ZEB1: variants seen among roughly 807,000 people sequenced by gnomAD.
ZEB1 encodes the protein zinc finger E-box binding homeobox 1.
A neutral mutation model predicts 84.9 loss-of-function variants in ZEB1; 21 were observed. That is an observed-to-expected ratio of 0.25 (90% CI 0.18 to 0.36). The LOEUF is 0.36. Among genes scored for constraint, ZEB1 ranks in the 10% least tolerant of loss-of-function variants. The probability of loss-of-function intolerance (pLI) is 1.00; values close to 1 mark genes in which losing one functional copy is unlikely to be tolerated. For synonymous variants in ZEB1, 420 were observed against 471.1 expected, an observed-to-expected ratio of 0.89 and a Z score of 1.41; for missense variants, 1,104 against 1,330.2, an observed-to-expected ratio of 0.83 and a Z score of 2.65.
intron 8 of ZEB1, among the ~76,000 whole-genome samples, chr10:31,525,014 T>C (rs1048004598): frequency 1.3e-5 from 2 of 152,226 alleles, no homozygotes; most frequent in African/African-American, 4.8e-5. Context: ...CGCATGTTTT[T>C]CTATGAGGTA....
At chr10:31,472,501 A>G (rs2063417899) in intron 2 of ZEB1, among the ~76,000 whole-genome samples, 1 of 151,480 alleles carries the variant, frequency 6.6e-6, no homozygotes, top group Admixed American at 6.6e-5. Flanking sequence ...TCCCAAGACT[A>G]AACCAGGAAG....
chr10:31,462,160 T>C (rs539654418), intron 2 of ZEB1, among the ~76,000 whole-genome samples: 39 of 152,280 alleles, frequency 2.6e-4, no homozygotes, highest in Non-Finnish European at 4.0e-4. Context: ...CAGGATATTA[T>C]CTGGATAATG....
chr10:31,495,484 A>G (rs752281652), intron 2 of ZEB1, among the ~76,000 whole-genome samples: 1 of 152,090 alleles, frequency 6.6e-6, no homozygotes, highest in South Asian at 2.1e-4. Context: ...TCAAGGACAC[A>G]TTACCATATT....
intron 1 of ZEB1, among the ~76,000 whole-genome samples, chr10:31,446,719 A>G (rs374260175): frequency 2.6e-5 from 4 of 152,182 alleles, no homozygotes; most frequent in Admixed American, 1.3e-4. Context: ...GTAGTTGAGC[A>G]GCTTTGAGTG....
At chr10:31,494,501 T>A in intron 2 of ZEB1, among the ~76,000 whole-genome samples, 1 of 151,998 alleles carries the variant, frequency 6.6e-6, no homozygotes, top group South Asian at 2.1e-4. Context: ...CATGCTATAA[T>A]GGGATGCAAA....
intron 1 of ZEB1, among the ~76,000 whole-genome samples, chr10:31,424,246 T>C (rs979435362): frequency 7.2e-5 from 11 of 152,030 alleles, no homozygotes. Flanking sequence ...TAAATTTTTT[T>C]TTGCAGACTA....
chr10:31,365,400 A>T (rs575176497), intron 1 of ZEB1, among the ~76,000 whole-genome samples: 3 of 152,298 alleles, frequency 2.0e-5, no homozygotes, highest in Non-Finnish European at 4.4e-5. Flanking sequence ...GCCACTCTAC[A>T]TCTTGTTATT....
intron 1 of ZEB1, among the ~76,000 whole-genome samples, chr10:31,392,652 A>G (rs1268916683): frequency 6.6e-6 from 1 of 152,044 alleles, no homozygotes; most frequent in Admixed American, 6.6e-5. Flanking sequence ...TGCCTAGTTT[A>G]AGATCTAGTG....
intron 1 of ZEB1, among the ~76,000 whole-genome samples, chr10:31,391,700 A>G (rs1324339176): frequency 3.3e-5 from 5 of 152,182 alleles, no homozygotes; most frequent in Non-Finnish European, 7.3e-5. Context: ...CCTTTTGTTT[A>G]AAGGCTTTTG....
At chr10:31,394,513 A>G (rs1019520092) in intron 1 of ZEB1, among the ~76,000 whole-genome samples, 5 of 152,178 alleles carry the variant, frequency 3.3e-5, no homozygotes. Flanking sequence ...CAGCATCCTA[A>G]AAGTTCCCCT....
intron 1 of ZEB1, among the ~76,000 whole-genome samples, chr10:31,326,444 G>T (rs567109083): frequency 6.6e-6 from 1 of 152,230 alleles, no homozygotes; most frequent in East Asian, 1.9e-4. Context: ...AAGGAAGGAG[G>T]AATTGGAGTA....
chr10:31,478,535 A>G (rs1177712102), intron 2 of ZEB1, among the ~76,000 whole-genome samples: 1 of 152,020 alleles, frequency 6.6e-6, no homozygotes, highest in African/African-American at 2.4e-5. Flanking sequence ...TCATTATATA[A>G]GAAAGACACC....
intron 2 of ZEB1, among the ~76,000 whole-genome samples, chr10:31,487,379 A>G (rs1226692169): frequency 1.3e-5 from 2 of 151,552 alleles, no homozygotes; most frequent in South Asian, 2.1e-4. Context: ...GAGTCTTCCA[A>G]TTAATGAACA....
intron 1 of ZEB1, among the ~76,000 whole-genome samples, chr10:31,343,315 T>C (rs1401865137): frequency 6.6e-6 from 1 of 152,100 alleles, no homozygotes; most frequent in Non-Finnish European, 1.5e-5. Context: ...CAATCTGATA[T>C]TTCATTTGCT....
chr10:31,411,845 G>A (rs903376706), intron 1 of ZEB1, among the ~76,000 whole-genome samples: 19 of 152,000 alleles, frequency 1.3e-4, no homozygotes, highest in African/African-American at 4.3e-4. Context: ...CATTTCATTT[G>A]AGAGTTACCT....
At position 31,461,240 on chromosome 10, in the gene ZEB1, A is replaced by C. The variant is rs1214573842; in HGVS notation, c.259+3A>C. 1 of 1,609,194 alleles carries C rather than the reference A, an allele frequency of 6.2e-7. No individual in the cohort carries two copies. The highest frequency in any genetic ancestry group is 1.1e-5 in the South Asian group (1 of 90,510). ...TAAGAACTGCTGGGAGGATGACAGT[A>C]AGTCTGATTTTTTTTTGTAATATTG... On this transcript the variant is annotated splice_donor_region_variant and intron_variant, in intron 2 of 8. Coordinates refer to ENST00000424869, the MANE Select transcript of ZEB1 (RefSeq NM_001174096.2).
intron 1 of ZEB1, among the ~76,000 whole-genome samples, chr10:31,433,752 C>A (rs2057991927): frequency 6.6e-6 from 1 of 152,164 alleles, no homozygotes; most frequent in Non-Finnish European, 1.5e-5. Flanking sequence ...AATTTTTTAA[C>A]TGGAAATGAG....
In ZEB1 at chr10:31,502,536, CT is replaced by C. The variant is rs775929295; in HGVS notation, c.484+30del. On this transcript the variant is annotated intron_variant, in intron 4 of 8. Coordinates refer to ENST00000424869, the MANE Select transcript of ZEB1 (RefSeq NM_001174096.2). ...TAAATGGATCTTAACAGTTGTGTTT[CT>C]TTCCCTCTTTAAAGGATTCTTGTTT... The C allele has an allele frequency of 2.9e-5, 47 of 1,613,340 alleles. 1 individual carries two copies. The East Asian group carries it at 4.0e-4, about 14-fold the overall frequency.
intron 2 of ZEB1, among the ~76,000 whole-genome samples, chr10:31,479,168 G>T (rs1319855791): frequency 6.6e-6 from 1 of 151,650 alleles, no homozygotes; most frequent in Non-Finnish European, 1.5e-5. Context: ...GAATAGAAAC[G>T]TACAACCTAC....
Sources: allele counts gnomAD v4.1 joint callset (sites outside exome capture counted in the v4.1 genomes callset), GRCh38; gene constraint gnomAD v4.1.1; transcripts MANE v1.5; gene names NCBI Gene and HGNC (gene_info 2026-07-23, HGNC 2026-07-21).